Variants in ZNF44 observed in about 807,000 individuals in gnomAD.
ZNF44 encodes the protein gonadotropin inducible transcription repressor-2.
Under a neutral mutation model 11.7 loss-of-function variants are expected in ZNF44, and 9 were observed. The observed-to-expected ratio is 0.77, with a 90% confidence interval of 0.46 to 1.35. The LOEUF is 1.35. Ranked by LOEUF, ZNF44 falls within the 40% of genes most tolerant of loss-of-function variation. The pLI is 0.00. For missense variants in ZNF44, 696 were observed against 743.1 expected, an observed-to-expected ratio of 0.94 and a Z score of 0.74; for synonymous variants, 224 against 242.7, an observed-to-expected ratio of 0.92 and a Z score of 0.72.
chr19:12,271,037 GTGATGATGA>G (rs112180662), downstream of ZNF44, among the ~76,000 whole-genome samples: 17 of 151,172 alleles, frequency 1.1e-4, no homozygotes, highest in African/African-American at 3.4e-4. Flanking sequence ...TCCTCTACAA[GTGATGATGA>G]TGATGATGAT....
rs369126220 is a variant in ZNF44 at position 12,273,928 on chromosome 19, T to C, written c.327A>G (p.Gly109=). 1 of 1,614,174 alleles carries C rather than the reference T, an allele frequency of 6.2e-7. No homozygotes were observed. Among genetic ancestry groups the C allele is most frequent in the African/African-American group, 1.3e-5 (1 of 75,050 alleles). ...GGGATGAATGACCCATTATGACTTC[T>C]CCATTCACACTGCTTCCACATGCAT... The part of the protein sequence containing the change: ...RVDACGSSVN[G]EVIMGHSSLN... Residue 109 remains glycine, a synonymous_variant, in exon 4 of 4, where the codon GGA becomes GGG. Coordinates refer to ENST00000355684, the MANE Select transcript of ZNF44 (RefSeq NM_016264.4).
chr19:12,239,955 C>T (rs1025599657), upstream of ZNF44, among the ~76,000 whole-genome samples: 1 of 152,084 alleles, frequency 6.6e-6, no homozygotes, highest in African/African-American at 2.4e-5. Flanking sequence ...GCACCAAAAA[C>T]AGTAAAAATT....
intron 1 of ZNF44, chr19:12,293,223 T>G (rs1052244365): frequency 2.0e-6 from 3 of 1,535,186 alleles, no homozygotes; most frequent in Non-Finnish European, 2.6e-6. Context: ...CCCACCCCAG[T>G]GCATCCACCT....
At chr19:12,235,926 G>T (rs748829101) in intron 1 of ZNF44, among the ~76,000 whole-genome samples, 1 of 152,206 alleles carries the variant, frequency 6.6e-6, no homozygotes, top group Admixed American at 6.5e-5. Context: ...AGGTGTCTGT[G>T]CCTAGGGAAG....
chr19:12,270,177 G>A (rs1280933132), downstream of ZNF44, among the ~76,000 whole-genome samples: 1 of 151,950 alleles, frequency 6.6e-6, no homozygotes, highest in African/African-American at 2.4e-5. Flanking sequence ...AATAACTAGG[G>A]TAAAATAGAT....
intron 1 of ZNF44, among the ~76,000 whole-genome samples, chr19:12,292,989 C>A (rs1968082379): frequency 6.6e-6 from 1 of 151,632 alleles, no homozygotes. Context: ...CCTGCCTCAG[C>A]CTCCCATGTA....
chr19:12,249,521 A>G (rs555367373), intron 7 of ZNF44, among the ~76,000 whole-genome samples: 101 of 151,624 alleles, frequency 6.7e-4, no homozygotes, highest in African/African-American at 1.1e-3. Context: ...AAAAAAAAAA[A>G]AAAAGAAAAG....
chr19:12,270,499 T>C (rs2145717282), downstream of ZNF44, among the ~76,000 whole-genome samples: 1 of 151,982 alleles, frequency 6.6e-6, no homozygotes, highest in East Asian at 1.9e-4. Flanking sequence ...TCACCCAGAC[T>C]GGAGTGCAGT....
intron 5 of ZNF44, chr19:12,260,169 G>C: frequency 2.6e-6 from 2 of 767,532 alleles, no homozygotes; most frequent in Non-Finnish European, 4.8e-6. Context: ...AACTGCTCCA[G>C]TTTCTGATCA....
At chr19:12,262,895 A>G (rs1267889189) in intron 5 of ZNF44, among the ~76,000 whole-genome samples, 1 of 152,172 alleles carries the variant, frequency 6.6e-6, no homozygotes, top group Non-Finnish European at 1.5e-5. Context: ...GGAAAGAAAC[A>G]CAAATATTCT....
chr19:12,289,781 G>A (rs55779621), intron 1 of ZNF44, among the ~76,000 whole-genome samples: 27,461 of 150,130 alleles, frequency 0.18, 2,573 homozygotes, highest in East Asian at 0.28. Flanking sequence ...AGTAGCACCC[G>A]CCAGCATGCC....
intron 5 of ZNF44, chr19:12,266,244 G>C: frequency 2.0e-6 from 2 of 985,240 alleles, no homozygotes; most frequent in Middle Eastern, 5.2e-4. Flanking sequence ...CCCTCCTCCC[G>C]CGTGTCGGGA....
At chr19:12,254,575 A>G (rs1917162830) in intron 5 of ZNF44, among the ~76,000 whole-genome samples, 1 of 152,124 alleles carries the variant, frequency 6.6e-6, no homozygotes, top group Non-Finnish European at 1.5e-5. Context: ...TCTACTAAAA[A>G]TACAAAAAAA....
At chr19:12,259,405 G>C (rs768281366) in intron 5 of ZNF44, among the ~76,000 whole-genome samples, 65 of 152,194 alleles carry the variant, frequency 4.3e-4, no homozygotes, top group Admixed American at 2.6e-4. Context: ...AACTGATACA[G>C]ATGTTAAAAT....
intron 5 of ZNF44, among the ~76,000 whole-genome samples, chr19:12,262,847 A>G (rs1917569183): frequency 6.6e-6 from 1 of 152,194 alleles, no homozygotes. Flanking sequence ...GGGAAACTAC[A>G]GTTGAAGCAC....
intron 5 of ZNF44, among the ~76,000 whole-genome samples, chr19:12,251,761 C>T (rs1037292710): frequency 1.3e-5 from 2 of 152,006 alleles, no homozygotes; most frequent in African/African-American, 4.8e-5. Context: ...TTAAGATTTG[C>T]AGTTTACAGG....
downstream of ZNF44, among the ~76,000 whole-genome samples, chr19:12,270,456 T>C (rs1966913938): frequency 1.3e-5 from 2 of 151,902 alleles, no homozygotes; most frequent in Non-Finnish European, 2.9e-5. Flanking sequence ...TTTCAACTTT[T>C]TTTTTTTCTT....
At chr19:12,284,114 CAA>C (rs1292737605) in intron 1 of ZNF44, among the ~76,000 whole-genome samples, 3 of 151,862 alleles carry the variant, frequency 2.0e-5, no homozygotes, top group Admixed American at 2.0e-4. Context: ...ATGCCTAAAA[CAA>C]AAAGAGAGAA....
upstream of ZNF44, among the ~76,000 whole-genome samples, chr19:12,241,528 T>TA (rs1057032925): frequency 1.1e-4 from 16 of 152,250 alleles, no homozygotes; most frequent in African/African-American, 3.6e-4. Context: ...ACCCTGTCTC[T>TA]ACTAAAAATA....
Sources: gnomAD v4.1 joint callset for allele counts (sites outside exome capture counted in the v4.1 genomes callset) on GRCh38, gnomAD v4.1.1 for gene constraint, MANE v1.5 for transcripts, NCBI Gene and HGNC (gene_info 2026-07-23, HGNC 2026-07-21) for gene names.